CBLC: variants seen among roughly 807,000 people sequenced by gnomAD.
CBLC encodes the protein Cbl proto-oncogene C.
CBLC carries 46 observed loss-of-function variants against 58.6 expected under a neutral mutation model. That is an observed-to-expected ratio of 0.79 (90% CI 0.62 to 1.00). The LOEUF is 1.00. Among genes scored for constraint, CBLC ranks in the 50% least tolerant of loss-of-function variants. The pLI, the probability that CBLC is intolerant of heterozygous loss-of-function variation, is 0.00. For missense variants in CBLC, 655 were observed against 625.8 expected, an observed-to-expected ratio of 1.05 and a Z score of -0.50; for synonymous variants, 271 against 264.2, an observed-to-expected ratio of 1.03 and a Z score of -0.25.
chr19:44,781,268 G>C lies in CBLC; in HGVS notation c.562G>C (p.Gly188Arg), dbSNP rs1399203802. The C allele has an allele frequency of 6.2e-7, 1 of 1,613,692 alleles. No homozygotes were observed. Among genetic ancestry groups the C allele is most frequent in the East Asian group, 2.2e-5 (1 of 44,902 alleles). Reference protein sequence around the residue: ...LLGTCHPVEPGCTALALRTTI... With the variant: ...LLGTCHPVEPRCTALALRTTI... ...GGGCACCTGCCACCCTGTGGAACCAGGCTGCACAGCCCTGGCCTTGCGCAC... is the reference window on the plus strand; with the variant it reads ...GGGCACCTGCCACCCTGTGGAACCACGCTGCACAGCCCTGGCCTTGCGCAC... Residue 188 changes from glycine (G) to arginine (R), a missense_variant, in exon 3 of 11, where the codon GGC (glycine) becomes CGC (arginine). Gly to Arg is a moderately radical substitution (Grantham distance 125). Transcript: ENST00000647358.
At chr19:44,792,632 A>G (rs1027975680) in intron 7 of CBLC, 118 bp downstream of exon 7, 1 of 1,103,786 alleles carries the variant, frequency 9.1e-7, no homozygotes, top group East Asian at 2.8e-5. Context: ...AGAGAGGGCA[A>G]AGAGCTGATG....
intron 9 of CBLC, among the ~76,000 whole-genome samples, chr19:44,798,552 A>G (rs1348479400): frequency 2.0e-5 from 3 of 151,952 alleles, no homozygotes; most frequent in Non-Finnish European, 4.4e-5. Context: ...CGTCTCTACT[A>G]AAAAATACAA....
chr19:44,778,268 G>T lies in CBLC; in HGVS notation c.337G>T (p.Ala113Ser). The T allele has an allele frequency of 6.9e-7, 1 of 1,441,180 alleles. No homozygotes were observed. The allele number at this position is 1,441,180 out of a possible 1,614,324, so 89.3% of individuals were successfully genotyped here. ...RRSANDELFR[A>S]GSRLRRQLAK... The stretch of plus-strand genomic sequence containing the variant: ...GAGTGCCAACGACGAGCTCTTCCGG[G>T]CGGGCTCCAGACTCAGGTGAGCCTT... Residue 113 changes from alanine to serine, a missense_variant, in exon 1 of 11, where the codon GCG becomes TCG. Ala to Ser is a moderately conservative substitution (Grantham distance 99). This residue lies in a region of CBLC where 280 missense variants were observed against 237.2 expected (regional missense o/e 1.18). Coordinates refer to ENST00000647358, the MANE Select transcript of CBLC (RefSeq NM_012116.4).
At chr19:44,794,457 CTTTTTTTT>C (rs200824891) in intron 9 of CBLC, among the ~76,000 whole-genome samples, 176 bp downstream of exon 9, 2 of 78,344 alleles carry the variant, frequency 2.6e-5, no homozygotes, top group East Asian at 2.9e-4. Flanking sequence ...CTGGGACTTT[CTTTTTTTT>C]TTTTTTTTTT....
intron 3 of CBLC, among the ~76,000 whole-genome samples, chr19:44,781,720 G>T (rs1967747401): frequency 7.5e-6 from 1 of 133,106 alleles, no homozygotes; most frequent in Non-Finnish European, 1.6e-5. Context: ...CCTGGGGCCT[G>T]GACTCCTGGG....
At chr19:44,780,859 C>T in intron 1 of CBLC, 46 bp from the exon 2 acceptor site, 1 of 1,591,614 alleles carries the variant, frequency 6.3e-7, no homozygotes, top group Non-Finnish European at 8.5e-7. Flanking sequence ...AAGAGGGTGT[C>T]AGTGGGAGCC....
Position 44,783,666 on chromosome 19 carries a change from G to A in CBLC, c.780-598G>A, listed in dbSNP as rs139844611. Among the ~76,000 whole-genome samples, 68 of 152,274 alleles carry A rather than the reference G, an allele frequency of 4.5e-4. 2 individuals are homozygous for A. In the East Asian group the frequency reaches 0.013, roughly 29 times the overall value. ...ACTGCACTCCAGCCTGGGCAACAGAGCAAGACTCTGTCTCAAAAACAAAAA... is the reference window on the plus strand; with the variant it reads ...ACTGCACTCCAGCCTGGGCAACAGAACAAGACTCTGTCTCAAAAACAAAAA... On this transcript the variant is annotated intron_variant, in intron 4 of 10. Transcript: ENST00000647358.
chr19:44,795,004 C>T (rs994887068), intron 9 of CBLC, among the ~76,000 whole-genome samples: 1 of 150,446 alleles, frequency 6.6e-6, no homozygotes, highest in Non-Finnish European at 1.5e-5. Flanking sequence ...GTAGCCCAGG[C>T]TGCAGTGCAG....
intron 6 of CBLC, among the ~76,000 whole-genome samples, chr19:44,790,712 A>G (rs1968024967): frequency 6.6e-6 from 1 of 152,206 alleles, no homozygotes. Context: ...CTGGGATTAT[A>G]GCCATGAGCC....
chr19:44,778,013 C>T lies in CBLC; in HGVS notation c.82C>T (p.Leu28=), dbSNP rs764374254. The change falls in exon 1 of 11, where the codon CTA becomes TTA. Residue 28 remains leucine, a synonymous_variant. Transcript: ENST00000647358. ...CCGGGCAGTCAGGATGCTGCAGCGC[C>T]TAGAAGAGCAATGCGTCGACCCCCG... ...LGRAVRMLQR[L]EEQCVDPRLS... 17 of 1,609,346 alleles carry T rather than the reference C, an allele frequency of 1.1e-5. No homozygotes were observed. The highest frequency in any genetic ancestry group is 1.4e-5 in the Non-Finnish European group (16 of 1,179,618).
At chr19:44,782,590 G>A in intron 4 of CBLC, 99 bp downstream of exon 4, 1 of 982,140 alleles carries the variant, frequency 1.0e-6, no homozygotes, top group Non-Finnish European at 1.5e-6. Flanking sequence ...CCAAGAGTGG[G>A]AACAGAGGTA....
At position 44,778,018 on chromosome 19, in the gene CBLC, A is replaced by G. The variant is rs754372194; in HGVS notation, c.87A>G (p.Glu29=). The G allele has an allele frequency of 1.9e-5, 31 of 1,609,156 alleles. 2 individuals are homozygous for G. In the South Asian group the frequency reaches 2.5e-4, roughly 13 times the overall value. Residue 29 remains glutamate, a synonymous_variant, in exon 1 of 11, where the codon GAA becomes GAG. Coordinates refer to ENST00000647358, the MANE Select transcript of CBLC (RefSeq NM_012116.4). The part of the protein sequence containing the change: ...GRAVRMLQRL[E]EQCVDPRLSV... Reference sequence around the variant, plus strand: ...CAGTCAGGATGCTGCAGCGCCTAGAAGAGCAATGCGTCGACCCCCGGCTGT... The same window carrying G: ...CAGTCAGGATGCTGCAGCGCCTAGAGGAGCAATGCGTCGACCCCCGGCTGT...
At chr19:44,789,314 G>T (rs944659619) in intron 5 of CBLC, among the ~76,000 whole-genome samples, 4 of 152,160 alleles carry the variant, frequency 2.6e-5, no homozygotes, top group African/African-American at 7.2e-5. Flanking sequence ...CAGATTCTAG[G>T]ATTTGATCAC....
chr19:44,780,677 T>G (rs902521393), intron 1 of CBLC, among the ~76,000 whole-genome samples: 1 of 151,544 alleles, frequency 6.6e-6, no homozygotes, highest in Non-Finnish European at 1.5e-5. Flanking sequence ...TTCACCATGT[T>G]GGCCAGGTTG....
Position 44,800,641 on chromosome 19 carries a change from G to T in CBLC, c.*98G>T. 1.9e-6 allele frequency: 1 copy of T among 535,934 alleles called. No homozygotes were observed. The highest frequency in any genetic ancestry group is 3.3e-6 in the Non-Finnish European group (1 of 300,138). The allele number at this position is 535,934 out of a possible 1,614,324, so 33.2% of individuals were successfully genotyped here. A position where few individuals can be genotyped will look rare whatever the true frequency, so the allele number is the denominator to read the frequency against. ...CTGCCAAGCCTGGTCTGTCCTCCAG[G>T]GTGCAAAGGAAGAGTGCAGTGGCCA... On this transcript the variant is annotated 3_prime_UTR_variant, in exon 11 of 11. Transcript: ENST00000647358.
chr19:44,782,325 C>G, intron 3 of CBLC, 45 bp from the exon 4 acceptor site: 1 of 1,610,982 alleles, frequency 6.2e-7, no homozygotes, highest in Non-Finnish European at 8.5e-7. Flanking sequence ...GGGATGTGAG[C>G]TGCTTCCCTG....
rs1968080800 is a variant in CBLC at position 44,792,501 on chromosome 19, T to C, written c.1124T>C (p.Leu375Pro). ...PCGHLLCSCC[L>P]AAWQHSDSQT... ...GGGCACCTGCTCTGCAGCTGCTGCC[T>C]GGCTGCCTGGCAGGTGGGTCTGACC... The change falls in exon 7 of 11, where the codon CTG becomes CCG. Residue 375 changes from leucine (L) to proline (P), a missense_variant. This residue lies in a region of CBLC where 371 missense variants were observed against 370.8 expected (regional missense o/e 1.00). Transcript: ENST00000647358. 6.2e-7 allele frequency: 1 copy of C among 1,601,048 alleles called. No individual in the cohort carries two copies. The highest frequency in any genetic ancestry group is 8.5e-7 in the Non-Finnish European group (1 of 1,175,158).
chr19:44,794,406 C>A, intron 9 of CBLC, 125 bp downstream of exon 9: 1 of 700,834 alleles, frequency 1.4e-6, no homozygotes. Flanking sequence ...TCCAAGGCAC[C>A]CATCCCCTCT....
At chr19:44,793,146 C>A (rs1256713444) in intron 7 of CBLC, among the ~76,000 whole-genome samples, 1 of 152,054 alleles carries the variant, frequency 6.6e-6, no homozygotes, top group African/African-American at 2.4e-5. Flanking sequence ...AGCGAGACTC[C>A]GTTTTTTTAA....
Sources: allele counts gnomAD v4.1 joint callset (sites outside exome capture counted in the v4.1 genomes callset), GRCh38; gene constraint gnomAD v4.1.1; regional missense constraint gnomAD v4.1.1; transcripts MANE v1.5; gene names NCBI Gene and HGNC (gene_info 2026-07-23, HGNC 2026-07-21).